Variants in RHBDD1 observed in about 807,000 individuals in gnomAD.
The protein encoded by RHBDD1 is rhomboid domain containing 1.
Under a neutral mutation model 36.3 loss-of-function variants are expected in RHBDD1, and 38 were observed. The ratio of observed to expected loss-of-function variants is 1.05; its 90% confidence interval spans 0.81 to 1.37. The LOEUF is 1.37. Ranked by LOEUF, RHBDD1 falls within the 40% of genes most tolerant of loss-of-function variation. RHBDD1 has a pLI of 0.00. For missense variants in RHBDD1, 393 were observed against 377.6 expected, an observed-to-expected ratio of 1.04 and a Z score of -0.34; for synonymous variants, 151 against 136.5, an observed-to-expected ratio of 1.11 and a Z score of -0.74.
At chr2:226,939,325 A>T (rs929776874) in intron 8 of RHBDD1, among the ~76,000 whole-genome samples, 5 of 152,220 alleles carry the variant, frequency 3.3e-5, no homozygotes, top group African/African-American at 1.2e-4. Flanking sequence ...GGAAGAGAGG[A>T]AGTCAAACTA....
chr2:226,940,825 A>G (rs898132986), intron 8 of RHBDD1, among the ~76,000 whole-genome samples: 2 of 152,128 alleles, frequency 1.3e-5, no homozygotes, highest in African/African-American at 2.4e-5. Flanking sequence ...CAGGATTACT[A>G]TTGACAGTGT....
At chr2:226,921,013 TTTA>T (rs1005647510) in intron 8 of RHBDD1, among the ~76,000 whole-genome samples, 35 of 152,184 alleles carry the variant, frequency 2.3e-4, no homozygotes, top group East Asian at 7.7e-4. Flanking sequence ...TGGGAAATTT[TTTA>T]TTATGGCACC....
chr2:226,909,831 T>C (rs73992270), intron 7 of RHBDD1, among the ~76,000 whole-genome samples: 3,380 of 152,322 alleles, frequency 0.022, 125 homozygotes, highest in African/African-American at 0.077. Context: ...CTGTTTGTTA[T>C]AGCATCCCAA....
At chr2:226,948,985 A>G (rs181854913) in intron 8 of RHBDD1, among the ~76,000 whole-genome samples, 35 of 152,296 alleles carry the variant, frequency 2.3e-4, no homozygotes, top group Non-Finnish European at 4.3e-4. Context: ...AAGCATTCCT[A>G]CACACCAATA....
At chr2:226,901,520 T>C (rs1383479979) in intron 5 of RHBDD1, among the ~76,000 whole-genome samples, 1 of 152,220 alleles carries the variant, frequency 6.6e-6, no homozygotes, top group Non-Finnish European at 1.5e-5. Context: ...CAGTGTTGCC[T>C]TTACATCCTT....
chr2:226,977,376 G>A (rs1377626309), intron 8 of RHBDD1, among the ~76,000 whole-genome samples: 8 of 152,098 alleles, frequency 5.3e-5, no homozygotes, highest in Non-Finnish European at 1.2e-4. Flanking sequence ...CGAAATAGCC[G>A]GCTGGAATTC....
At chr2:226,890,565 T>G (rs1946595845) in intron 5 of RHBDD1, among the ~76,000 whole-genome samples, 1 of 152,176 alleles carries the variant, frequency 6.6e-6, no homozygotes, top group African/African-American at 2.4e-5. Context: ...TTTGAGAGAT[T>G]GAGGCCTGCT....
chr2:226,900,420 G>A (rs1947492041), intron 5 of RHBDD1, among the ~76,000 whole-genome samples: 1 of 152,118 alleles, frequency 6.6e-6, no homozygotes, highest in South Asian at 2.1e-4. Flanking sequence ...CAGCAGTGGT[G>A]TGCCTGGCCC....
chr2:226,900,267 C>T (rs1947477737), intron 5 of RHBDD1, among the ~76,000 whole-genome samples: 1 of 152,178 alleles, frequency 6.6e-6, no homozygotes, highest in South Asian at 2.1e-4. Flanking sequence ...TCAATACTTA[C>T]CTTGCTCTCA....
In RHBDD1 at chr2:226,864,620, A is replaced by G. The variant is rs1250448971; in HGVS notation, c.-74A>G. On this transcript the variant is annotated 5_prime_UTR_variant, in exon 4 of 9. In the 5' UTR this introduces an upstream ATG that the reference lacks. Coordinates refer to ENST00000392062, the MANE Select transcript of RHBDD1 (RefSeq NM_001167608.3). ...GTGTTTTAGGTTCAGCCGTCTGTAT[A>G]TCTCCCCAGATACCTGAAACTGACC... 8.2e-7 allele frequency: 1 copy of G among 1,214,574 alleles called. No individual in the cohort carries two copies. The highest frequency in any genetic ancestry group is 1.4e-5 in the South Asian group (1 of 71,526). 75.2% of individuals were successfully genotyped at this position (1,214,574 alleles called of 1,614,324 possible).
intron 8 of RHBDD1, among the ~76,000 whole-genome samples, chr2:226,958,447 A>C (rs905924095): frequency 7.9e-5 from 12 of 152,174 alleles, no homozygotes; most frequent in Non-Finnish European, 1.2e-4. Flanking sequence ...GGGGTGATAA[A>C]GATGTTCTAA....
At chr2:226,955,514 A>C (rs1951729382) in intron 8 of RHBDD1, among the ~76,000 whole-genome samples, 1 of 152,348 alleles carries the variant, frequency 6.6e-6, no homozygotes, top group South Asian at 2.1e-4. Flanking sequence ...ATGTCAGCCC[A>C]GCTGTGTCCT....
intron 8 of RHBDD1, among the ~76,000 whole-genome samples, chr2:226,965,569 A>C (rs953086523): frequency 6.6e-6 from 1 of 152,178 alleles, no homozygotes; most frequent in African/African-American, 2.4e-5. Flanking sequence ...CAGTAAAATG[A>C]AAGGATTTTT....
At chr2:226,942,599 T>C (rs755300459) in intron 8 of RHBDD1, 2 of 291,876 alleles carry the variant, frequency 6.9e-6, no homozygotes, top group Non-Finnish European at 1.4e-5. Flanking sequence ...CCACTATTGA[T>C]AATTCTTTGC....
At chr2:226,862,831 A>G (rs543585569) in intron 3 of RHBDD1, among the ~76,000 whole-genome samples, 93 of 152,356 alleles carry the variant, frequency 6.1e-4, no homozygotes, top group Non-Finnish European at 1.2e-3. Context: ...TTGCGGTGAA[A>G]GGTGAAGGGG....
intron 8 of RHBDD1, among the ~76,000 whole-genome samples, chr2:226,976,074 A>G (rs1440337535): frequency 6.6e-6 from 1 of 151,616 alleles, no homozygotes; most frequent in African/African-American, 2.4e-5. Context: ...TATGTGCAGT[A>G]TGGATTGGAG....
chr2:226,807,972 G>A, the RHBDD1 span, among the ~76,000 whole-genome samples: 4 of 151,666 alleles, frequency 2.6e-5, no homozygotes, highest in Admixed American at 6.6e-5. Flanking sequence ...CCGACGTCAC[G>A]CCACTGCACT....
chr2:226,906,928 G>T, intron 6 of RHBDD1, 47 bp downstream of exon 6: 3 of 1,592,642 alleles, frequency 1.9e-6, no homozygotes, highest in Non-Finnish European at 2.6e-6. Context: ...GGAAGTTCAT[G>T]TTAATTTTAA....
At chr2:226,846,809 GATA>G (rs1032288918) in intron 3 of RHBDD1, among the ~76,000 whole-genome samples, 3 of 151,802 alleles carry the variant, frequency 2.0e-5, no homozygotes, top group African/African-American at 7.3e-5. Flanking sequence ...GTAGAAGTGG[GATA>G]ATAATGAATG....
Sources: gnomAD v4.1 joint callset for allele counts (sites outside exome capture counted in the v4.1 genomes callset) on GRCh38, gnomAD v4.1.1 for gene constraint, MANE v1.5 for transcripts, NCBI Gene and HGNC (gene_info 2026-07-23, HGNC 2026-07-21) for gene names.